SLC14A2: variants seen among roughly 807,000 people sequenced by gnomAD.
SLC14A2 encodes urea transporter 2.
SLC14A2 carries 91 observed loss-of-function variants against 104.6 expected under a neutral mutation model. The observed-to-expected ratio is 0.87, with a 90% CI of 0.73 to 1.04. The LOEUF (loss-of-function observed/expected upper bound fraction) is 1.04. Among genes scored for constraint, SLC14A2 ranks in the 50% least tolerant of loss-of-function variants. The pLI, the probability that SLC14A2 is intolerant of heterozygous loss-of-function variation, is 0.00. For synonymous variants in SLC14A2, 476 were observed against 466.4 expected, an observed-to-expected ratio of 1.02 and a Z score of -0.27; for missense variants, 1,189 against 1,156.0, an observed-to-expected ratio of 1.03 and a Z score of -0.41.
chr18:45,533,632 A>C (rs1398130496), intron 2 of SLC14A2, among the ~76,000 whole-genome samples: 1 of 151,956 alleles, frequency 6.6e-6, no homozygotes, highest in Non-Finnish European at 1.5e-5. Context: ...AATTTTGCTG[A>C]TCTTTTCACA....
chr18:45,581,107 C>T (rs1214515884), intron 2 of SLC14A2, among the ~76,000 whole-genome samples: 2 of 152,146 alleles, frequency 1.3e-5, no homozygotes, highest in Non-Finnish European at 2.9e-5. Context: ...GTCATCTTCT[C>T]TCACTGTGAA....
chr18:45,407,728 G>A (rs548418662), intron 1 of SLC14A2, among the ~76,000 whole-genome samples: 2 of 152,238 alleles, frequency 1.3e-5, no homozygotes, highest in East Asian at 3.9e-4. Context: ...CAATACTGTT[G>A]TATCTCAGGG....
upstream of SLC14A2, among the ~76,000 whole-genome samples, chr18:45,210,336 T>C (rs896605448): frequency 2.0e-5 from 3 of 152,188 alleles, no homozygotes; most frequent in African/African-American, 4.8e-5. Context: ...CTCATTCCTA[T>C]AATCCCAGCA....
At chr18:45,178,228 A>G in the SLC14A2 span, among the ~76,000 whole-genome samples, 1 of 152,222 alleles carries the variant, frequency 6.6e-6, no homozygotes, top group African/African-American at 2.4e-5. Context: ...GTGAACAGCT[A>G]TGAAAAACCA....
chr18:45,672,756 T>C (rs2046162266), intron 16 of SLC14A2, 144 bp from the exon 17 acceptor site: 1 of 646,738 alleles, frequency 1.5e-6, no homozygotes, highest in Non-Finnish European at 2.7e-6. Flanking sequence ...CCTGTTAAAG[T>C]TAACCTATTT....
chr18:45,341,662 G>C (rs1001237488), intron 1 of SLC14A2, among the ~76,000 whole-genome samples: 1 of 129,346 alleles, frequency 7.7e-6, no homozygotes, highest in Non-Finnish European at 1.5e-5. Context: ...GTGTGGTCTC[G>C]GCTCCCTGCA....
At chr18:45,371,552 G>A (rs2085722639) in intron 1 of SLC14A2, among the ~76,000 whole-genome samples, 2 of 152,196 alleles carry the variant, frequency 1.3e-5, no homozygotes. Flanking sequence ...AGCTAGTTAA[G>A]TCTAAGTTTA....
Position 45,644,027 on chromosome 18 carries a change from C to A in SLC14A2, c.1218C>A (p.Thr406=). Residue 406 remains threonine (T), a synonymous_variant, in exon 10 of 20, where the codon ACC becomes ACA. Transcript: ENST00000255226. ...PPGTWAFCLA[T]IIFLLLTTNN... ...GCACCTGGGCCTTCTGCCTTGCCACCATCATCTTCCTGCTCCTGACGACAA... is the reference window on the plus strand; with the variant it reads ...GCACCTGGGCCTTCTGCCTTGCCACAATCATCTTCCTGCTCCTGACGACAA... The A allele has an allele frequency of 6.2e-7, 1 of 1,614,192 alleles. No homozygotes were observed. Among genetic ancestry groups the A allele is most frequent in the South Asian group, 1.1e-5 (1 of 91,084 alleles).
At chr18:45,515,676 C>G (rs1568253629) in intron 2 of SLC14A2, 2 of 152,276 alleles carry the variant, frequency 1.3e-5, no homozygotes, top group Admixed American at 6.5e-5. Flanking sequence ...ACGCATAGCC[C>G]AGCCAACACT....
At chr18:45,639,247 A>G (rs1466268330) in intron 6 of SLC14A2, among the ~76,000 whole-genome samples, 3 of 152,212 alleles carry the variant, frequency 2.0e-5, no homozygotes, top group Admixed American at 2.0e-4. Flanking sequence ...CAAGGGTGAC[A>G]AAGACCTCAG....
At position 45,644,047 on chromosome 18, in the gene SLC14A2, C is replaced by A. The variant is rs369970858; in HGVS notation, c.1238C>A (p.Thr413Lys). The A allele has an allele frequency of 3.1e-6, 5 of 1,614,096 alleles. No homozygotes were observed. Among genetic ancestry groups the A allele is most frequent in the Admixed American group, 3.3e-5 (2 of 60,008 alleles). ...CLATIIFLLL[T>K]TNNPAIFRLP... is the part of the protein sequence containing the mutation. ...GCCACCATCATCTTCCTGCTCCTGA[C>A]GACAAACAACCCAGCCATCTTCAGA... The change falls in exon 10 of 20, where the codon ACG becomes AAG. Residue 413 changes from threonine to lysine, a missense_variant. By Grantham distance (78) the Thr-to-Lys change is moderately conservative. Coordinates refer to ENST00000255226, the MANE Select transcript of SLC14A2 (RefSeq NM_007163.4).
chr18:45,606,602 TG>T (rs1426817807), intron 2 of SLC14A2, among the ~76,000 whole-genome samples: 5 of 83,770 alleles, frequency 6.0e-5, no homozygotes, highest in African/African-American at 2.3e-4. Flanking sequence ...GGCTGAGCAC[TG>T]AATGGCAAGA....
intron 5 of SLC14A2, among the ~76,000 whole-genome samples, chr18:45,634,040 T>C (rs995875074): frequency 6.6e-6 from 1 of 152,140 alleles, no homozygotes; most frequent in Non-Finnish European, 1.5e-5. Flanking sequence ...TCAACCACAT[T>C]GCACTGGCTG....
At chr18:45,403,923 C>G (rs2086124780) in intron 1 of SLC14A2, among the ~76,000 whole-genome samples, 2 of 152,186 alleles carry the variant, frequency 1.3e-5, no homozygotes, top group South Asian at 4.1e-4. Context: ...CCAGCACCTC[C>G]CATTTTGGCA....
chr18:45,197,338 A>G, the SLC14A2 span, among the ~76,000 whole-genome samples: 1 of 152,184 alleles, frequency 6.6e-6, no homozygotes, highest in African/African-American at 2.4e-5. Context: ...TACATAAAAG[A>G]CCTTCTATGT....
chr18:45,382,185 C>G (rs2085845740), intron 1 of SLC14A2, among the ~76,000 whole-genome samples: 2 of 152,160 alleles, frequency 1.3e-5, no homozygotes, highest in Non-Finnish European at 2.9e-5. Flanking sequence ...TGAATACACA[C>G]ATTCAGTGCA....
rs2046020196 is a variant in SLC14A2 at position 45,666,193 on chromosome 18, T to C, written c.1531T>C (p.Tyr511His). The change falls in exon 12 of 20, where the codon TAC (tyrosine) becomes CAC (histidine). Residue 511 changes from tyrosine (Y) to histidine (H), a missense_variant. Coordinates refer to ENST00000255226, the MANE Select transcript of SLC14A2 (RefSeq NM_007163.4). Reference sequence around the variant, plus strand: ...AAACAAAGACCCATTTCCCTATCGATACCGGAAGCCCACAGTCGAGCTGCT... The same window carrying C: ...AAACAAAGACCCATTTCCCTATCGACACCGGAAGCCCACAGTCGAGCTGCT... ...RQNKDPFPYR[Y>H]RKPTVELLDL... The C allele has an allele frequency of 6.2e-7, 1 of 1,613,426 alleles. No homozygotes were observed. The highest frequency in any genetic ancestry group is 8.5e-7 in the Non-Finnish European group (1 of 1,179,372).
At chr18:45,551,193 A>C (rs1337824819) in intron 2 of SLC14A2, among the ~76,000 whole-genome samples, 1 of 152,200 alleles carries the variant, frequency 6.6e-6, no homozygotes, top group Non-Finnish European at 1.5e-5. Flanking sequence ...CCTTTGCACC[A>C]AGACACTATT....
At chr18:45,614,349 T>C (rs1363333702), upstream of SLC14A2, among the ~76,000 whole-genome samples, 1 of 152,212 alleles carries the variant, frequency 6.6e-6, no homozygotes, top group African/African-American at 2.4e-5. Flanking sequence ...GCTAGGGCAG[T>C]GCAGAAGGGA....
Sources: allele counts gnomAD v4.1 joint callset (sites outside exome capture counted in the v4.1 genomes callset), GRCh38; gene constraint gnomAD v4.1.1; transcripts MANE v1.5; gene names NCBI Gene and HGNC (gene_info 2026-07-23, HGNC 2026-07-21).